The following CDKL5 variants were observed in gnomAD, a reference collection of about 807,000 sequenced individuals.
CDKL5 encodes cyclin dependent kinase like 5.
Under a neutral mutation model 61.7 loss-of-function variants are expected in CDKL5, and 8 were observed. That is an observed-to-expected ratio of 0.13 (90% CI 0.08 to 0.23). CDKL5 has a LOEUF of 0.23. Among genes scored for constraint, CDKL5 ranks in the 10% least tolerant of loss-of-function variants. The probability of loss-of-function intolerance (pLI) is 1.00; values close to 1 mark genes in which losing one functional copy is unlikely to be tolerated. For synonymous variants in CDKL5, 275 were observed against 272.3 expected (o/e 1.01, Z -0.10); for missense variants, 440 against 734.5 (o/e 0.60, Z 4.63).
intron 1 of CDKL5, among the ~76,000 whole-genome samples, chrX:18,465,090 G>A (rs145231254): frequency 0.021 from 2,394 of 111,465 alleles, 51 homozygotes; most frequent in African/African-American, 0.062. Flanking sequence ...CCTGAAGTTA[G>A]TATTTATGTA....
chrX:18,520,926 A>G (rs964405319), intron 3 of CDKL5, among the ~76,000 whole-genome samples: 3 of 111,915 alleles, frequency 2.7e-5, no homozygotes, highest in African/African-American at 9.7e-5. Context: ...TTTATTAGAG[A>G]TGGGGTTTTG....
chrX:18,495,814 A>G (rs903447948), intron 1 of CDKL5, among the ~76,000 whole-genome samples: 2 of 111,648 alleles, frequency 1.8e-5, no homozygotes, highest in Non-Finnish European at 3.8e-5. Flanking sequence ...CCTTCCCCAG[A>G]TCTCCTACCT....
At chrX:18,554,771 A>T (rs1403673516) in intron 3 of CDKL5, among the ~76,000 whole-genome samples, 1 of 111,823 alleles carries the variant, frequency 8.9e-6, no homozygotes, top group East Asian at 2.8e-4. Flanking sequence ...TATAAAACTA[A>T]TCATTGTTTT....
chrX:18,516,447 C>T (rs535668856), intron 3 of CDKL5, among the ~76,000 whole-genome samples: 18 of 110,973 alleles, frequency 1.6e-4, no homozygotes, highest in South Asian at 3.9e-4. Flanking sequence ...GTGCCTGGAA[C>T]GCTGAAATAG....
intron 1 of CDKL5, among the ~76,000 whole-genome samples, chrX:18,492,702 T>C (rs1340576890): frequency 1.8e-5 from 2 of 111,746 alleles, no homozygotes; most frequent in Non-Finnish European, 3.8e-5. Flanking sequence ...TTTCTCTTAA[T>C]ATCCACCAAT....
intron 12 of CDKL5, 78 bp downstream of exon 12, chrX:18,604,946 ACT>A: frequency 9.1e-7 from 1 of 1,099,757 alleles, no homozygotes; most frequent in South Asian, 1.8e-5. Context: ...GGGTCCATCT[ACT>A]ATTTTCCCTA....
chrX:18,599,420 CA>C (rs1314271072), intron 11 of CDKL5, among the ~76,000 whole-genome samples: 2 of 112,431 alleles, frequency 1.8e-5, no homozygotes, highest in Admixed American at 1.9e-4. Flanking sequence ...TCTACTATTA[CA>C]AGATAAATAG....
intron 1 of CDKL5, among the ~76,000 whole-genome samples, chrX:18,496,321 A>G (rs1440316523): frequency 8.9e-6 from 1 of 111,880 alleles, no homozygotes; most frequent in East Asian, 2.8e-4. Context: ...GGATTAAAGG[A>G]TTTTCTGATT....
chrX:18,440,828 A>T (rs1192615190), intron 1 of CDKL5, among the ~76,000 whole-genome samples: 1 of 111,724 alleles, frequency 9.0e-6, no homozygotes, highest in Non-Finnish European at 1.9e-5. Context: ...GGTGTAGCCA[A>T]GTCCAAGGTT....
exon 22 of CDKL5, chrX:18,653,504 T>G: frequency 8.3e-7 from 1 of 1,211,933 alleles, no homozygotes. Flanking sequence ...CAAGCTGCGC[T>G]CCTGACATAC....
chrX:18,475,707 C>T (rs1349125199), intron 1 of CDKL5, among the ~76,000 whole-genome samples: 1 of 112,356 alleles, frequency 8.9e-6, no homozygotes, highest in Admixed American at 9.5e-5. Flanking sequence ...TTTATTTTAG[C>T]CTTCTAATAC....
At position 18,639,079 on chromosome X, in the gene CDKL5, TA is replaced by T. The variant is rs1199523013; in HGVS notation, c.*10326del. 8.9e-6 allele frequency among the ~76,000 whole-genome samples: 1 copy of T among 112,019 alleles called. No homozygotes were observed. Among genetic ancestry groups the T allele is most frequent in the African/African-American group, 3.2e-5 (1 of 30,787 alleles). On this transcript the variant is annotated 3_prime_UTR_variant, in exon 18 of 18. Transcript: ENST00000623535. Reference sequence around the variant, plus strand: ...GATCTAACTGTAAGAGGTAGAACTATAAAACTCATAGAAGAAAACATAGGGG... The same window carrying T: ...GATCTAACTGTAAGAGGTAGAACTATAAACTCATAGAAGAAAACATAGGGG...
At chrX:18,619,396 A>T (rs1462660592) in intron 15 of CDKL5, among the ~76,000 whole-genome samples, 1 of 111,470 alleles carries the variant, frequency 9.0e-6, no homozygotes, top group African/African-American at 3.3e-5. Flanking sequence ...TTCATTCAAG[A>T]TGTTTTTATA....
intron 21 of CDKL5, among the ~76,000 whole-genome samples, chrX:18,652,406 C>T (rs1463196115): frequency 1.8e-5 from 2 of 112,294 alleles, no homozygotes; most frequent in African/African-American, 3.2e-5. Flanking sequence ...CAGTGGCTCA[C>T]GCCTGTAATC....
intron 1 of CDKL5, among the ~76,000 whole-genome samples, chrX:18,452,470 G>C (rs936974241): frequency 5.4e-5 from 6 of 110,220 alleles, no homozygotes; most frequent in Admixed American, 3.9e-4. Context: ...CTGTCACCCA[G>C]GCTGGAGTGC....
intron 1 of CDKL5, among the ~76,000 whole-genome samples, chrX:18,472,358 G>A (rs188327416): frequency 5.0e-4 from 56 of 111,684 alleles, no homozygotes; most frequent in Admixed American, 4.8e-3. Context: ...TTTTCTCATT[G>A]TTGTTAAAGT....
At chrX:18,435,083 G>C (rs1319937370) in intron 1 of CDKL5, among the ~76,000 whole-genome samples, 1 of 111,603 alleles carries the variant, frequency 9.0e-6, no homozygotes, top group Non-Finnish European at 1.9e-5. Context: ...ACAACTTACT[G>C]ACCCGGATTT....
chrX:18,427,996 C>T (rs1234611761), intron 1 of CDKL5, among the ~76,000 whole-genome samples: 1 of 111,694 alleles, frequency 9.0e-6, no homozygotes, highest in Admixed American at 9.6e-5. Context: ...GGCCGTCTCG[C>T]ATAGATGGGT....
intron 1 of CDKL5, among the ~76,000 whole-genome samples, chrX:18,506,274 A>G (rs957405850): frequency 9.0e-6 from 1 of 111,000 alleles, no homozygotes; most frequent in Non-Finnish European, 1.9e-5. Flanking sequence ...AAGGAACCCT[A>G]GTTCCTTTTA....
Sources: allele counts gnomAD v4.1 joint callset (sites outside exome capture counted in the v4.1 genomes callset), GRCh38; gene constraint gnomAD v4.1.1; transcripts MANE v1.5; gene names NCBI Gene and HGNC (gene_info 2026-07-23, HGNC 2026-07-21).